Variants in DNAH17 observed in about 807,000 individuals in gnomAD.
DNAH17 encodes the protein dynein axonemal heavy chain 17, also known as axonemal beta dynein heavy chain 17.
DNAH17 carries 376 observed loss-of-function variants against 485.6 expected under a neutral mutation model. The ratio of observed to expected loss-of-function variants is 0.77; its 90% CI spans 0.71 to 0.84. The LOEUF is 0.84. Among genes scored for constraint, DNAH17 ranks in the 40% least tolerant of loss-of-function variants. The pLI, the probability that DNAH17 is intolerant of heterozygous loss-of-function variation, is 0.00. For synonymous variants in DNAH17, 3,031 were observed against 2,405.9 expected, an observed-to-expected ratio of 1.26 and a Z score of -7.60; for missense variants, 6,370 against 5,839.3, an observed-to-expected ratio of 1.09 and a Z score of -2.96.
rs770550071 is a variant in DNAH17, at chr17:78,494,582, G to A, written c.6270+11C>T. On this transcript the variant is annotated intron_variant, in intron 40 of 80. Transcript: ENST00000389840. The stretch of plus-strand genomic sequence containing the variant: ...CTTCTCCGGACAGACCTGAGACCCA[G>A]GAGTCCCGACCTTTTCAAAATTCAG... The A allele has an allele frequency of 3.1e-6, 5 of 1,613,022 alleles. No individual in the cohort carries two copies. Among genetic ancestry groups the A allele is most frequent in the Non-Finnish European group, 4.2e-6 (5 of 1,179,556 alleles).
At chr17:78,536,065 C>T (rs1234934291) in intron 19 of DNAH17, among the ~76,000 whole-genome samples, 2 of 152,082 alleles carry the variant, frequency 1.3e-5, no homozygotes, top group African/African-American at 4.8e-5. Context: ...TTGTTTGATG[C>T]GTTTAGACGA....
rs150124118 is a variant in DNAH17 at position 78,566,208 on chromosome 17, T to G, written c.1569+406A>C. ...CAGCAGTTTGTTATAGTAGCCTGCATGGACGAAGGCACTCTATAAATTCAG... is the reference window on the plus strand; with the variant it reads ...CAGCAGTTTGTTATAGTAGCCTGCAGGGACGAAGGCACTCTATAAATTCAG... On this transcript the variant is annotated intron_variant, in intron 11 of 80. Coordinates refer to ENST00000389840, the MANE Select transcript of DNAH17 (RefSeq NM_173628.4). 4.9e-3 allele frequency among the ~76,000 whole-genome samples: 742 copies of G among 152,296 alleles called. 3 individuals carry two copies. Among genetic ancestry groups the G allele is most frequent in the African/African-American group, 0.017 (688 of 41,568 alleles).
At chr17:78,473,683 T>C (rs1008612138) in intron 54 of DNAH17, among the ~76,000 whole-genome samples, 1 of 151,948 alleles carries the variant, frequency 6.6e-6, no homozygotes, top group Admixed American at 6.6e-5. Flanking sequence ...AGGCTGAGGC[T>C]GAGGCTGAGC....
intron 27 of DNAH17, among the ~76,000 whole-genome samples, chr17:78,509,889 ATT>A (rs1312285090): frequency 7.2e-5 from 11 of 152,248 alleles, no homozygotes; most frequent in Non-Finnish European, 2.9e-5. Flanking sequence ...TCTAAGAAAA[ATT>A]CCAGAAGTAG....
chr17:78,450,472 C>T, intron 67 of DNAH17, 78 bp from the exon 68 acceptor site: 1 of 1,564,000 alleles, frequency 6.4e-7, no homozygotes, highest in South Asian at 1.2e-5. Flanking sequence ...TCCCAGCCAC[C>T]AGCCTCGCTC....
In DNAH17 at chr17:78,425,547, A is replaced by T; in HGVS notation, c.12940T>A (p.Phe4314Ile). The change falls in exon 80 of 81, where the codon TTT becomes ATT. Residue 4314 changes from phenylalanine to isoleucine, a missense_variant. Physicochemically the swap from Phe to Ile is conservative, Grantham distance 21. Coordinates refer to ENST00000389840, the MANE Select transcript of DNAH17 (RefSeq NM_173628.4). ...AGCCACACGGTGGTGGGCAGGGCAA[A>T]GTCTGTCGTCCAGGCCTCGAGTTCC... Reference protein sequence around the residue: ...IRELEAWTTDFALPTTVWLAG... With the variant: ...IRELEAWTTDIALPTTVWLAG... The T allele has an allele frequency of 6.2e-7, 1 of 1,612,678 alleles. No individual in the cohort carries two copies. Among genetic ancestry groups the T allele is most frequent in the Non-Finnish European group, 8.5e-7 (1 of 1,179,290 alleles).
intron 17 of DNAH17, among the ~76,000 whole-genome samples, chr17:78,541,514 G>A (rs1433382215): frequency 6.6e-6 from 1 of 151,868 alleles, no homozygotes; most frequent in East Asian, 1.9e-4. Context: ...ATAAGGGAGA[G>A]AAGACTTGGG....
intron 9 of DNAH17, 40 bp from the exon 10 acceptor site, chr17:78,567,206 C>T: frequency 6.4e-7 from 1 of 1,560,668 alleles, no homozygotes; most frequent in Non-Finnish European, 8.7e-7. Flanking sequence ...ATCTTCACAA[C>T]CCAACTCACG....
At chr17:78,535,120 G>A (rs931312227) in intron 19 of DNAH17, among the ~76,000 whole-genome samples, 2 of 152,200 alleles carry the variant, frequency 1.3e-5, no homozygotes, top group African/African-American at 4.8e-5. Flanking sequence ...CTGCAAGGCA[G>A]CCTGAGTGTT....
rs778816787 is a variant in DNAH17 at position 78,501,538 on chromosome 17, A to G, written c.5323-194T>C. The G allele has an allele frequency of 4.0e-5, 38 of 961,070 alleles. 1 individual carries two copies. The East Asian group carries it at 9.0e-4, about 23-fold the overall frequency. The allele number at this position is 961,070 out of a possible 1,614,324, so 59.5% of individuals were successfully genotyped here. ...ATCTCGCTACAGAATGGCACTTCCA[A>G]TGGGCGGGCACCGCTCATCTGACTG... On this transcript the variant is annotated intron_variant, in intron 34 of 80. Transcript: ENST00000389840.
chr17:78,545,321 A>G (rs765153179), intron 16 of DNAH17, among the ~76,000 whole-genome samples: 16 of 152,124 alleles, frequency 1.1e-4, no homozygotes, highest in African/African-American at 2.4e-4. Flanking sequence ...CGCGTTCTGT[A>G]TATGTCTTAG....
chr17:78,442,975 T>C (rs1204714732), intron 71 of DNAH17, among the ~76,000 whole-genome samples: 4 of 152,172 alleles, frequency 2.6e-5, no homozygotes, highest in Admixed American at 2.6e-4. Flanking sequence ...CCCCTCCCTA[T>C]ACAATCAGGG....
chr17:78,441,435 T>C (rs927729523), intron 71 of DNAH17, among the ~76,000 whole-genome samples: 1 of 151,976 alleles, frequency 6.6e-6, no homozygotes, highest in Admixed American at 6.6e-5. Context: ...TGCTCCTCCT[T>C]GGAGCAGCCT....
chr17:78,535,376 A>G lies in DNAH17; in HGVS notation c.2859+1923T>C, dbSNP rs1290272779. ...CATGGAAACCTCCTCCCACCCTTCC[A>G]GAATCCGCTCACACGCCCACTCCTC... is the stretch of plus-strand genomic sequence containing the variant. On this transcript the variant is annotated intron_variant, in intron 19 of 80. Coordinates refer to ENST00000389840, the MANE Select transcript of DNAH17 (RefSeq NM_173628.4). 2.0e-5 allele frequency among the ~76,000 whole-genome samples: 3 copies of G among 152,198 alleles called. No individual in the cohort carries two copies. In the East Asian group the frequency reaches 5.8e-4, roughly 29 times the overall value.
At chr17:78,485,088 T>A in intron 47 of DNAH17, 55 bp from the exon 48 acceptor site, 6 of 1,533,958 alleles carry the variant, frequency 3.9e-6, no homozygotes, top group Non-Finnish European at 5.2e-6. Context: ...CAGAGCCTGT[T>A]AGGTAGGGAG....
chr17:78,477,618 C>T (rs1371056462), intron 51 of DNAH17, among the ~76,000 whole-genome samples: 1 of 152,130 alleles, frequency 6.6e-6, no homozygotes. Flanking sequence ...ACCTCGTGAT[C>T]TGCCCGCCTT....
chr17:78,476,582 T>A lies in DNAH17; in HGVS notation c.8144A>T (p.Lys2715Met). 1 of 1,610,186 alleles carries A rather than the reference T, an allele frequency of 6.2e-7. No individual in the cohort carries two copies. The highest frequency in any genetic ancestry group is 1.3e-5 in the African/African-American group (1 of 75,000). Residue 2715 changes from lysine to methionine, a missense_variant, in exon 52 of 81, where the codon AAG becomes ATG. Coordinates refer to ENST00000389840, the MANE Select transcript of DNAH17 (RefSeq NM_173628.4). ...GGCAGCTTGACTTACATCAAAGAAC[T>A]TCTTGGTGGAGGCCATGGTGACTCT... ...LHRVTMASTK[K>M]FFDDLGDELL...
Position 78,525,051 on chromosome 17 carries a change from C to A in DNAH17, c.3822G>T (p.Arg1274=), listed in dbSNP as rs2091029171. The change falls in exon 25 of 81, where the codon CGG becomes CGT. Residue 1274 remains arginine, a synonymous_variant. Coordinates refer to ENST00000389840, the MANE Select transcript of DNAH17 (RefSeq NM_173628.4). ...PDYKQLKACH[R]EVRLLKELWD... ...AGAGCTCCTTCAGTAGGCGGACCTC[C>A]CGGTGGCAGGCCTTGAGCTGCTTGT... is the stretch of plus-strand genomic sequence containing the variant. 2.5e-6 allele frequency: 4 copies of A among 1,613,806 alleles called. No homozygotes were observed. The highest frequency in any genetic ancestry group is 3.4e-6 in the Non-Finnish European group (4 of 1,179,840).
At chr17:78,564,182 C>T (rs373139485) in intron 11 of DNAH17, among the ~76,000 whole-genome samples, 8 of 152,164 alleles carry the variant, frequency 5.3e-5, no homozygotes, top group South Asian at 4.1e-4. Context: ...CTCGCCAACC[C>T]AGCTCCCTCC....
Sources: gnomAD v4.1 joint callset for allele counts (sites outside exome capture counted in the v4.1 genomes callset) on GRCh38, gnomAD v4.1.1 for gene constraint, MANE v1.5 for transcripts, NCBI Gene and HGNC (gene_info 2026-07-23, HGNC 2026-07-21) for gene names.